Variants in CLEC9A observed in about 807,000 individuals in gnomAD.
The protein encoded by CLEC9A is C-type lectin domain family 9 member A.
A neutral mutation model predicts 30.0 loss-of-function variants in CLEC9A; 24 were observed. The observed-to-expected ratio is 0.80, with a 90% confidence interval of 0.58 to 1.13. The LOEUF (loss-of-function observed/expected upper bound fraction) is 1.13. Ranked by LOEUF, CLEC9A falls within the 50% of genes most tolerant of loss-of-function variation. CLEC9A has a pLI of 0.00. For missense variants in CLEC9A, 251 were observed against 280.9 expected (o/e 0.89, Z 0.76); for synonymous variants, 111 against 96.8 (o/e 1.15, Z -0.86).
rs145857218 is a variant in CLEC9A at position 10,032,997 on chromosome 12, G to A, written c.-318+2025G>A. Among the ~76,000 whole-genome samples the A allele has an allele frequency of 2.7e-5, 4 of 150,766 alleles. No individual in the cohort carries two copies. The East Asian group carries it at 5.8e-4, about 22-fold the overall frequency. ...AGGCTTTTTCCTTCACTATTTCTAT[G>A]AAAACACTCCAGTCAAAGTCACCAT... is the stretch of plus-strand genomic sequence containing the variant. On this transcript the variant is annotated intron_variant, in intron 1 of 8. Coordinates refer to ENST00000355819, the MANE Select transcript of CLEC9A (RefSeq NM_207345.4).
intron 4 of CLEC9A, among the ~76,000 whole-genome samples, chr12:10,053,364 T>G (rs1264129844): frequency 6.6e-6 from 1 of 152,198 alleles, no homozygotes; most frequent in Non-Finnish European, 1.5e-5. Context: ...AGTGGAAGAC[T>G]CTATCCCTTG....
chr12:10,065,821 C>T lies in CLEC9A; in HGVS notation c.*189C>T. The T allele has an allele frequency of 1.8e-6, 1 of 556,118 alleles. No homozygotes were observed. The highest frequency in any genetic ancestry group is 2.5e-5 in the South Asian group (1 of 39,252). The allele number at this position is 556,118 out of a possible 1,614,324, so 34.4% of individuals were successfully genotyped here. A position where few individuals can be genotyped will look rare whatever the true frequency, so the allele number is the denominator to read the frequency against. ...CGTCCAGATTTCATTTGATGTTGTT[C>T]ACATTGCAAGAGTAAAACTTATTTA... On this transcript the variant is annotated 3_prime_UTR_variant, in exon 9 of 9. Coordinates refer to ENST00000355819, the MANE Select transcript of CLEC9A (RefSeq NM_207345.4).
At chr12:10,036,855 T>C (rs1328518408) in intron 1 of CLEC9A, among the ~76,000 whole-genome samples, 1 of 152,234 alleles carries the variant, frequency 6.6e-6, no homozygotes, top group Non-Finnish European at 1.5e-5. Context: ...TCTCTTCCCA[T>C]GATCAAAATC....
chr12:10,042,775 C>T (rs780103936), intron 2 of CLEC9A, among the ~76,000 whole-genome samples: 3 of 152,104 alleles, frequency 2.0e-5, no homozygotes, highest in Non-Finnish European at 4.4e-5. Context: ...ATTAATACTT[C>T]TATAGGGAAC....
intron 4 of CLEC9A, among the ~76,000 whole-genome samples, chr12:10,053,367 A>G (rs1008995063): frequency 9.9e-5 from 15 of 152,280 alleles, no homozygotes; most frequent in African/African-American, 2.6e-4. Context: ...GGAAGACTCT[A>G]TCCCTTGTCT....
At chr12:10,065,238 C>A (rs750832566) in intron 8 of CLEC9A, among the ~76,000 whole-genome samples, 5 of 152,126 alleles carry the variant, frequency 3.3e-5, no homozygotes, top group Non-Finnish European at 7.4e-5. Context: ...AATTAAGAGT[C>A]AGCAAAGAGA....
At chr12:10,052,505 T>A in intron 3 of CLEC9A, 125 bp from the exon 4 acceptor site, 2 of 1,298,022 alleles carry the variant, frequency 1.5e-6, no homozygotes, top group Non-Finnish European at 2.0e-6. Flanking sequence ...GGCTTAGACT[T>A]CATAAACTTC....
At chr12:10,034,803 G>A (rs1201065177) in intron 1 of CLEC9A, among the ~76,000 whole-genome samples, 1 of 152,202 alleles carries the variant, frequency 6.6e-6, no homozygotes, top group Non-Finnish European at 1.5e-5. Context: ...TGTATCTGAA[G>A]CCCCAGTGGG....
chr12:10,043,079 A>T (rs1330510726), intron 2 of CLEC9A: 1 of 190,578 alleles, frequency 5.2e-6, no homozygotes, highest in Non-Finnish European at 1.1e-5. Context: ...TCAAATATCA[A>T]ATGAAATACA....
chr12:10,031,394 G>T (rs1351081575), intron 1 of CLEC9A, among the ~76,000 whole-genome samples: 2 of 152,214 alleles, frequency 1.3e-5, no homozygotes, highest in African/African-American at 4.8e-5. Context: ...GGGAAAGGGA[G>T]TCAAACACGA....
At position 10,064,774 on chromosome 12, in the gene CLEC9A, G is replaced by C; in HGVS notation, c.514G>C (p.Asp172His). 1 of 1,612,838 alleles carries C rather than the reference G, an allele frequency of 6.2e-7. No homozygotes were observed. Among genetic ancestry groups the C allele is most frequent in the African/African-American group, 1.3e-5 (1 of 74,912 alleles). ...GSLRKIKGSY[D>H]YWVGLSQDGH... ...CTTGAGGAAGATTAAAGGAAGCTATGATTACTGGGTGGGGTTGTCTCAGGA... is the reference window on the plus strand; with the variant it reads ...CTTGAGGAAGATTAAAGGAAGCTATCATTACTGGGTGGGGTTGTCTCAGGA... The change falls in exon 8 of 9, where the codon GAT becomes CAT. Residue 172 changes from aspartate to histidine, a missense_variant. Asp to His is a moderately conservative substitution (Grantham distance 81). Coordinates refer to ENST00000355819, the MANE Select transcript of CLEC9A (RefSeq NM_207345.4).
chr12:10,052,921 G>T, intron 4 of CLEC9A, 143 bp downstream of exon 4: 1 of 871,466 alleles, frequency 1.1e-6, no homozygotes, highest in East Asian at 2.7e-5. Flanking sequence ...TGCTAATGAA[G>T]TGGAGAAGGA....
At chr12:10,056,233 C>A (rs549045912) in intron 5 of CLEC9A, among the ~76,000 whole-genome samples, 4 of 151,852 alleles carry the variant, frequency 2.6e-5, no homozygotes, top group African/African-American at 9.7e-5. Flanking sequence ...TTAACTGTGA[C>A]CCAGCAGTAC....
intron 1 of CLEC9A, chr12:10,040,966 G>C (rs1003929399): frequency 5.9e-6 from 1 of 170,874 alleles, no homozygotes; most frequent in African/African-American, 2.4e-5. Flanking sequence ...AGGGCGGCTG[G>C]GTGTGGTGGC....
chr12:10,054,222 T>G lies in CLEC9A; in HGVS notation c.92-49T>G, dbSNP rs749094828. 1.5e-5 allele frequency: 22 copies of G among 1,463,498 alleles called. No individual in the cohort carries two copies. In the East Asian group the frequency reaches 4.5e-4, roughly 30 times the overall value. The allele number at this position is 1,463,498 out of a possible 1,614,324, so 90.7% of individuals were successfully genotyped here. ...CTCAATCTATCCTTGCCCCGTCTTT[T>G]TTATCTGCTTTCTCTAACTCGGTAT... On this transcript the variant is annotated intron_variant, in intron 4 of 8. Transcript: ENST00000355819.
chr12:10,051,274 TG>T (rs1228787298), intron 2 of CLEC9A, among the ~76,000 whole-genome samples: 10 of 152,026 alleles, frequency 6.6e-5, no homozygotes, highest in Non-Finnish European at 1.3e-4. Flanking sequence ...CAGTTGCCCC[TG>T]GGGATTCTCT....
Position 10,063,176 on chromosome 12 carries a change from G to A in CLEC9A, c.441G>A (p.Thr147=), listed in dbSNP as rs548805883. Residue 147 remains threonine (T), a synonymous_variant, in exon 7 of 9, where the codon ACG becomes ACA. Coordinates refer to ENST00000355819, the MANE Select transcript of CLEC9A (RefSeq NM_207345.4). ...AGAATTGTTTAAAGGAAGGTTCCACGCTGCTACAAATAGAGAGCAAAGAAG... is the reference window on the plus strand; with the variant it reads ...AGAATTGTTTAAAGGAAGGTTCCACACTGCTACAAATAGAGAGCAAAGAAG... The part of the protein sequence containing the change: ...SQENCLKEGS[T]LLQIESKEEM... 3.1e-5 allele frequency: 50 copies of A among 1,609,640 alleles called. No homozygotes were observed. The highest frequency in any genetic ancestry group is 3.3e-4 in the Middle Eastern group (2 of 6,048).
chr12:10,060,080 C>T (rs903451532), intron 5 of CLEC9A, among the ~76,000 whole-genome samples: 4 of 152,198 alleles, frequency 2.6e-5, no homozygotes, highest in South Asian at 2.1e-4. Context: ...GCAGAGAAAG[C>T]GGATCACTCA....
intron 2 of CLEC9A, among the ~76,000 whole-genome samples, chr12:10,044,326 C>T (rs1055160859): frequency 1.3e-5 from 2 of 152,140 alleles, no homozygotes; most frequent in Admixed American, 6.5e-5. Flanking sequence ...AAATCTTGTA[C>T]AATATGATCA....
Sources: gnomAD v4.1 joint callset for allele counts (sites outside exome capture counted in the v4.1 genomes callset) on GRCh38, gnomAD v4.1.1 for gene constraint, MANE v1.5 for transcripts, NCBI Gene and HGNC (gene_info 2026-07-23, HGNC 2026-07-21) for gene names.